Variants in NAALADL2 observed in about 807,000 individuals in gnomAD.
The protein encoded by NAALADL2 is inactive N-acetylated-alpha-linked acidic dipeptidase-like protein 2.
In NAALADL2, 76 loss-of-function variants were observed where a neutral mutation model predicts 87.2. That is an observed-to-expected ratio of 0.87 (90% CI 0.72 to 1.05). The LOEUF (loss-of-function observed/expected upper bound fraction) is 1.05. NAALADL2 is among the 50% of genes least tolerant of loss of function. The pLI is 0.00. For synonymous variants in NAALADL2, 354 were observed against 331.0 expected (o/e 1.07, Z -0.75); for missense variants, 1,089 against 945.8 (o/e 1.15, Z -1.99).
chr3:174,929,807 C>G (rs1435810684), intron 1 of NAALADL2, among the ~76,000 whole-genome samples: 5 of 152,076 alleles, frequency 3.3e-5, no homozygotes, highest in African/African-American at 1.2e-4. Context: ...TGTTTGCTTC[C>G]TAGTTCTGTA....
At chr3:174,605,313 G>A (rs186822140) in intron 2 of NAALADL2, among the ~76,000 whole-genome samples, 14 of 152,216 alleles carry the variant, frequency 9.2e-5, no homozygotes, top group South Asian at 2.1e-4. Flanking sequence ...GACAGTGGGC[G>A]CGCAGGACAG....
intron 5 of NAALADL2, among the ~76,000 whole-genome samples, chr3:175,325,705 T>C (rs1428224192): frequency 6.6e-6 from 1 of 152,224 alleles, no homozygotes; most frequent in Non-Finnish European, 1.5e-5. Flanking sequence ...ATTTCATAAA[T>C]ACAGAATTCA....
At chr3:174,609,197 A>G (rs1719489773) in intron 2 of NAALADL2, among the ~76,000 whole-genome samples, 1 of 152,222 alleles carries the variant, frequency 6.6e-6, no homozygotes, top group Non-Finnish European at 1.5e-5. Flanking sequence ...ACAACCCCAC[A>G]GCCAATATCA....
intron 5 of NAALADL2, among the ~76,000 whole-genome samples, chr3:175,408,658 T>A (rs1712885513): frequency 6.6e-6 from 1 of 152,032 alleles, no homozygotes. Context: ...TCATAAAGAC[T>A]GTGTTATGGT....
chr3:175,112,404 T>C (rs1724347871), intron 2 of NAALADL2: 1 of 151,722 alleles, frequency 6.6e-6, no homozygotes, highest in Non-Finnish European at 1.5e-5. Context: ...AAGATAATAC[T>C]TTTATATTTG....
chr3:174,832,062 C>A (rs1034027399), intron 3 of NAALADL2, among the ~76,000 whole-genome samples: 1 of 152,036 alleles, frequency 6.6e-6, no homozygotes, highest in East Asian at 1.9e-4. Context: ...AAAACCAGCT[C>A]CTGGGTTCAT....
chr3:175,053,439 C>T (rs1431933430), intron 1 of NAALADL2, among the ~76,000 whole-genome samples: 1 of 152,114 alleles, frequency 6.6e-6, no homozygotes, highest in African/African-American at 2.4e-5. Context: ...TTGCTTGTGA[C>T]AGTTGGGATC....
At chr3:175,540,858 G>A (rs971543449) in intron 9 of NAALADL2, among the ~76,000 whole-genome samples, 5 of 152,042 alleles carry the variant, frequency 3.3e-5, no homozygotes, top group African/African-American at 4.8e-5. Flanking sequence ...ATTTTACTTC[G>A]ATAATATTAA....
intron 2 of NAALADL2, among the ~76,000 whole-genome samples, chr3:174,611,442 A>T (rs1390044859): frequency 1.3e-5 from 2 of 152,036 alleles, no homozygotes; most frequent in Admixed American, 1.3e-4. Context: ...ATGTCTTTAA[A>T]AGTTGTCCAT....
At chr3:175,660,684 G>A (rs1732129218) in intron 11 of NAALADL2, among the ~76,000 whole-genome samples, 1 of 151,692 alleles carries the variant, frequency 6.6e-6, no homozygotes, top group African/African-American at 2.4e-5. Flanking sequence ...CCAGCCTCTG[G>A]TAACCACCAT....
intron 1 of NAALADL2, among the ~76,000 whole-genome samples, chr3:174,453,219 CAAAT>C (rs1346263144): frequency 1.3e-5 from 2 of 151,762 alleles, no homozygotes; most frequent in African/African-American, 4.8e-5. Flanking sequence ...ATAAGACAGT[CAAAT>C]AAGAATAGAT....
chr3:175,419,943 A>G (rs768893609), intron 5 of NAALADL2, among the ~76,000 whole-genome samples: 1 of 152,030 alleles, frequency 6.6e-6, no homozygotes, highest in African/African-American at 2.4e-5. Context: ...CACAAGGACT[A>G]CAAAGGCAAG....
rs528930908 is a variant in NAALADL2, at chr3:175,375,125, G to A, written c.1090+50800G>A. ...AGTCTACTACTGGACTCTCTATTCTGTTCCAGTGAGCTGTTTGTTTATTCT... is the reference window on the plus strand; with the variant it reads ...AGTCTACTACTGGACTCTCTATTCTATTCCAGTGAGCTGTTTGTTTATTCT... On this transcript the variant is annotated intron_variant, in intron 5 of 13. Transcript: ENST00000454872. 3.9e-5 allele frequency among the ~76,000 whole-genome samples: 6 copies of A among 152,166 alleles called. 1 individual carries two copies. The highest frequency in any genetic ancestry group is 1.4e-4 in the African/African-American group (6 of 41,534).
chr3:175,181,737 GTATATATGTATA>G (rs1736556865), intron 2 of NAALADL2, among the ~76,000 whole-genome samples: 1 of 62,704 alleles, frequency 1.6e-5, no homozygotes, highest in South Asian at 4.6e-4. Flanking sequence ...GTATATATGT[GTATATATGTATA>G]TATATGTGTG....
intron 9 of NAALADL2, among the ~76,000 whole-genome samples, chr3:175,501,747 CTAG>C (rs1296114519): frequency 6.6e-6 from 1 of 151,972 alleles, no homozygotes; most frequent in Non-Finnish European, 1.5e-5. Flanking sequence ...ATAGAAATGA[CTAG>C]TAGTGAAAAG....
chr3:174,492,411 G>T (rs1718260767), intron 1 of NAALADL2, among the ~76,000 whole-genome samples: 1 of 152,166 alleles, frequency 6.6e-6, no homozygotes, highest in South Asian at 2.1e-4. Flanking sequence ...CCTATAACCT[G>T]TTGTGATCGG....
At chr3:175,036,090 T>C (rs1001875225) in intron 1 of NAALADL2, among the ~76,000 whole-genome samples, 1 of 152,200 alleles carries the variant, frequency 6.6e-6, no homozygotes, top group African/African-American at 2.4e-5. Flanking sequence ...TTTTACTTCA[T>C]TTATGGTAAG....
Position 174,882,526 on chromosome 3 carries a change from C to T in NAALADL2, c.43+23076C>T, listed in dbSNP as rs1217493987. On this transcript the variant is annotated intron_variant, in intron 1 of 13. Transcript: ENST00000454872. Reference sequence around the variant, plus strand: ...ATGTGTATATACATATGTGCATATACACATATATGCATACACACATATGTA... The same window carrying T: ...ATGTGTATATACATATGTGCATATATACATATATGCATACACACATATGTA... Among the ~76,000 whole-genome samples the T allele has an allele frequency of 1.3e-5, 2 of 148,310 alleles. 1 individual carries two copies. The highest frequency in any genetic ancestry group is 5.1e-5 in the African/African-American group (2 of 39,278).
chr3:174,989,316 TA>T (rs1220150386), intron 1 of NAALADL2, among the ~76,000 whole-genome samples: 1 of 152,198 alleles, frequency 6.6e-6, no homozygotes, highest in Admixed American at 6.5e-5. Flanking sequence ...GATAAGTTTT[TA>T]GGGAACGTAG....
Sources: allele counts gnomAD v4.1 joint callset (sites outside exome capture counted in the v4.1 genomes callset), GRCh38; gene constraint gnomAD v4.1.1; transcripts MANE v1.5; gene names NCBI Gene and HGNC (gene_info 2026-07-23, HGNC 2026-07-21).